The following EIF2D variants were observed in gnomAD, a reference collection of about 807,000 sequenced individuals.
EIF2D encodes the protein eukaryotic translation initiation factor 2D.
EIF2D carries 56 observed loss-of-function variants against 77.4 expected under a neutral mutation model. The ratio of observed to expected loss-of-function variants is 0.72; its 90% CI spans 0.58 to 0.90. The LOEUF (loss-of-function observed/expected upper bound fraction) is 0.90, where lower values mean the gene tolerates loss of function less well. EIF2D is among the 40% of genes least tolerant of loss of function. EIF2D has a pLI of 0.00. For synonymous variants in EIF2D, 230 were observed against 271.0 expected, an observed-to-expected ratio of 0.85 and a Z score of 1.49; for missense variants, 574 against 706.5, an observed-to-expected ratio of 0.81 and a Z score of 2.13.
intron 3 of EIF2D, among the ~76,000 whole-genome samples, chr1:206,609,132 T>C (rs1421464314): frequency 6.6e-6 from 1 of 152,212 alleles, no homozygotes; most frequent in Non-Finnish European, 1.5e-5. Flanking sequence ...AGCTTATTGA[T>C]TTACAGTATA....
chr1:206,605,954 G>T (rs1553412599), intron 4 of EIF2D, among the ~76,000 whole-genome samples: 2 of 152,230 alleles, frequency 1.3e-5, no homozygotes, highest in Non-Finnish European at 2.9e-5. Flanking sequence ...CCATAGGGAA[G>T]AGAGAAGAGA....
In EIF2D at chr1:206,593,558, T is replaced by C; in HGVS notation, c.1684+61A>G. The C allele has an allele frequency of 2.8e-6, 4 of 1,424,770 alleles. No individual in the cohort carries two copies. In the South Asian group the frequency reaches 4.0e-5, roughly 14 times the overall value. 88.3% of individuals were successfully genotyped at this position (1,424,770 alleles called of 1,614,324 possible). On this transcript the variant is annotated intron_variant, in intron 14 of 14. Coordinates refer to ENST00000271764, the MANE Select transcript of EIF2D (RefSeq NM_006893.3). ...GTGTGTGTGTATTATGCAAGTTGAG[T>C]TGGCAGGAAGGTCTTTGCTGAGCTA...
At chr1:206,603,992 A>G (rs549612321) in intron 5 of EIF2D, among the ~76,000 whole-genome samples, 31 of 152,364 alleles carry the variant, frequency 2.0e-4, no homozygotes, top group African/African-American at 7.2e-4. Flanking sequence ...AGCTGCTGCT[A>G]AAACAACTTA....
chr1:206,581,960 C>T (rs1171722642), intron 2 of EIF2D, among the ~76,000 whole-genome samples: 4 of 152,122 alleles, frequency 2.6e-5, no homozygotes, highest in Non-Finnish European at 4.4e-5. Context: ...AACCCAGACA[C>T]CCACAGGACA....
At chr1:206,596,940 C>CCA (rs1330977459) in intron 12 of EIF2D, among the ~76,000 whole-genome samples, 160 bp downstream of exon 12, 1 of 152,004 alleles carries the variant, frequency 6.6e-6, no homozygotes, top group Admixed American at 6.5e-5. Flanking sequence ...AAAGACCCCC[C>CCA]AAATCAGAGT....
intron 4 of EIF2D, among the ~76,000 whole-genome samples, chr1:206,576,978 A>ATTT (rs36057143): frequency 9.6e-5 from 14 of 145,312 alleles, no homozygotes; most frequent in African/African-American, 3.0e-4. Flanking sequence ...TAATTTTTGT[A>ATTT]TTTTTTTTTT....
At position 206,599,871 on chromosome 1, in the gene EIF2D, T is replaced by C. The variant is rs186233423; in HGVS notation, c.949-35A>G. Reference sequence around the variant, plus strand: ...AGAGGGCCAGTGGTAGGGGACTTCATTGATTCCACACACATACTGAGCACC... The same window carrying C: ...AGAGGGCCAGTGGTAGGGGACTTCACTGATTCCACACACATACTGAGCACC... On this transcript the variant is annotated intron_variant, in intron 8 of 14. Transcript: ENST00000271764. The surrounding 1 kb of genome is among the most constrained non-coding windows in gnomAD (Gnocchi z 4.1). 10 of 1,596,684 alleles carry C rather than the reference T, an allele frequency of 6.3e-6. No individual in the cohort carries two copies. In the East Asian group the frequency reaches 8.9e-5, roughly 14 times the overall value.
chr1:206,586,874 G>C, downstream of EIF2D: 1 of 1,614,048 alleles, frequency 6.2e-7, no homozygotes. Flanking sequence ...AACAATCCTG[G>C]AAAAAGAGGA....
At position 206,603,068 on chromosome 1, in the gene EIF2D, C is replaced by A; in HGVS notation, c.667G>T (p.Glu223Ter). 6.2e-7 allele frequency: 1 copy of A among 1,614,196 alleles called. No homozygotes were observed. Among genetic ancestry groups the A allele is most frequent in the Non-Finnish European group, 8.5e-7 (1 of 1,180,034 alleles). ...GDMRHMTLEG[E>*]EENGEVHQAR... ...TGGTGAACCTCCCCATTCTCCTCTT[C>A]CCCCTCCAGGGTCATGTGCCTCATG... Residue 223 changes from glutamate (E) to a stop codon, truncating the protein, a stop_gained, in exon 6 of 15, where the codon GAA becomes TAA. Transcript: ENST00000271764. LOFTEE classifies it high-confidence loss of function.
rs986187988 is a variant in EIF2D, at chr1:206,612,291, C to A, written c.52G>T (p.Asp18Tyr). The change falls in exon 1 of 15, where the codon GAC becomes TAC. Residue 18 changes from aspartate to tyrosine, a missense_variant. Transcript: ENST00000271764. Reference sequence around the variant, plus strand: ...CAGGCCCCTTTCCTCCCTCACCTGTCCGACCCCTTGATGGCCGTGTTGGAC... The same window carrying A: ...CAGGCCCCTTTCCTCCCTCACCTGTACGACCCCTTGATGGCCGTGTTGGAC... ...VKSNTAIKGS[D>Y]RRKLRADVTT... 6.2e-7 allele frequency: 1 copy of A among 1,614,254 alleles called. No homozygotes were observed. Among genetic ancestry groups the A allele is most frequent in the Non-Finnish European group, 8.5e-7 (1 of 1,180,034 alleles).
chr1:206,581,859 G>A (rs1454520340), intron 2 of EIF2D, among the ~76,000 whole-genome samples: 1 of 152,048 alleles, frequency 6.6e-6, no homozygotes, highest in Non-Finnish European at 1.5e-5. Context: ...AGGGAGGAAG[G>A]TAGGGCAAAG....
intron 4 of EIF2D, among the ~76,000 whole-genome samples, chr1:206,607,036 G>A (rs1384221936): frequency 3.9e-5 from 6 of 152,160 alleles, no homozygotes; most frequent in African/African-American, 9.7e-5. Context: ...ATAAGATAAC[G>A]TTTGTAATAG....
At chr1:206,601,243 T>C (rs1553411214) in intron 7 of EIF2D, 2 of 152,258 alleles carry the variant, frequency 1.3e-5, no homozygotes, top group African/African-American at 2.4e-5. Flanking sequence ...TAAGAATCAC[T>C]TTTTTAAAAA....
At chr1:206,611,577 G>C (rs1434873840) in intron 1 of EIF2D, among the ~76,000 whole-genome samples, 1 of 152,090 alleles carries the variant, frequency 6.6e-6, no homozygotes, top group Non-Finnish European at 1.5e-5. Flanking sequence ...CTCATTCCTG[G>C]GGTATGCCTT....
Position 206,599,239 on chromosome 1 carries a change from T to A in EIF2D, c.1203-147A>T. 2 of 884,154 alleles carry A rather than the reference T, an allele frequency of 2.3e-6. No homozygotes were observed. The highest frequency in any genetic ancestry group is 3.5e-6 in the Non-Finnish European group (2 of 573,506). The allele number at this position is 884,154 out of a possible 1,614,324, so 54.8% of individuals were successfully genotyped here. Reference sequence around the variant, plus strand: ...TCCCTTTTCCTGACTGAAGTGAGCATGACCATGTGAAGAATAATTACACGC... The same window carrying A: ...TCCCTTTTCCTGACTGAAGTGAGCAAGACCATGTGAAGAATAATTACACGC... On this transcript the variant is annotated intron_variant, in intron 10 of 14. Transcript: ENST00000271764. This position sits in a 1 kb window ranked among gnomAD's most constrained non-coding sequence, Gnocchi z 4.1.
At chr1:206,597,243 T>A in intron 11 of EIF2D, 48 bp from the exon 12 acceptor site, 2 of 1,422,090 alleles carry the variant, frequency 1.4e-6, no homozygotes, top group Non-Finnish European at 2.0e-6. Flanking sequence ...TTGTCCCTTC[T>A]GACCTGAAGG....
chr1:206,608,839 GT>G (rs2102305626), intron 3 of EIF2D, among the ~76,000 whole-genome samples: 1 of 152,280 alleles, frequency 6.6e-6, no homozygotes, highest in South Asian at 2.1e-4. Flanking sequence ...TTGACTTGAG[GT>G]CAGAAGTTCG....
chr1:206,577,378 T>C (rs1000541046), intron 4 of EIF2D, among the ~76,000 whole-genome samples: 2 of 152,192 alleles, frequency 1.3e-5, no homozygotes, highest in Admixed American at 6.5e-5. Context: ...CCTGGGATGA[T>C]AGTCACCATA....
intron 13 of EIF2D, 51 bp from the exon 14 acceptor site, chr1:206,593,844 C>T (rs1211749079): frequency 1.3e-6 from 2 of 1,536,256 alleles, no homozygotes; most frequent in African/African-American, 2.7e-5. Context: ...CATTCCCTTC[C>T]CTCCAGAGGG....
Sources: allele counts gnomAD v4.1 joint callset (sites outside exome capture counted in the v4.1 genomes callset), GRCh38; gene constraint gnomAD v4.1.1; non-coding constraint Gnocchi (gnomAD v3.1); transcripts MANE v1.5; gene names NCBI Gene and HGNC (gene_info 2026-07-23, HGNC 2026-07-21).